SPRR2G: variants seen among roughly 807,000 people sequenced by gnomAD.
SPRR2G encodes small proline-rich protein 2G.
SPRR2G carries 1 observed loss-of-function variant against 0.7 expected under a neutral mutation model. The observed-to-expected ratio is 1.49, with a 90% CI of 0.53 to 7.06. The LOEUF (loss-of-function observed/expected upper bound fraction) is 7.06. Among genes scored for constraint, SPRR2G ranks in the 30% most tolerant of loss-of-function variants. SPRR2G has a pLI of 0.14. For missense variants in SPRR2G, 96 were observed against 88.5 expected (o/e 1.09, Z -0.34); for synonymous variants, 38 against 33.9 (o/e 1.12, Z -0.42).
the SPRR2G span, among the ~76,000 whole-genome samples, chr1:153,165,510 G>T: frequency 6.6e-6 from 1 of 152,080 alleles, no homozygotes; most frequent in Non-Finnish European, 1.5e-5. Flanking sequence ...GCTCCTCAGA[G>T]GCATCAAATA....
chr1:153,175,080 T>C, the SPRR2G span, among the ~76,000 whole-genome samples: 8 of 152,176 alleles, frequency 5.3e-5, no homozygotes, highest in Admixed American at 1.3e-4. Flanking sequence ...TCAGAGCTAA[T>C]ATTGTGAGCT....
chr1:153,154,283 C>T (rs954894374), upstream of SPRR2G, among the ~76,000 whole-genome samples: 4 of 151,390 alleles, frequency 2.6e-5, no homozygotes, highest in Non-Finnish European at 5.9e-5. Flanking sequence ...AATCTTTTTG[C>T]TTCTATATTC....
At chr1:153,156,776 T>C in the SPRR2G span, among the ~76,000 whole-genome samples, 1 of 152,088 alleles carries the variant, frequency 6.6e-6, no homozygotes, top group Admixed American at 6.5e-5. Flanking sequence ...ATGCAAAAAT[T>C]AGTACAAATT....
chr1:153,170,454 CA>C, the SPRR2G span, among the ~76,000 whole-genome samples: 1 of 152,042 alleles, frequency 6.6e-6, no homozygotes, highest in African/African-American at 2.4e-5. Context: ...AAGCCAACTT[CA>C]AGGACACAAA....
At chr1:153,200,260 A>AG in the SPRR2G span, among the ~76,000 whole-genome samples, 5 of 152,194 alleles carry the variant, frequency 3.3e-5, no homozygotes, top group Non-Finnish European at 7.4e-5. Flanking sequence ...GCTGGAAGGC[A>AG]GGGGAAAAAA....
chr1:153,156,149 A>G, the SPRR2G span, among the ~76,000 whole-genome samples: 1 of 152,220 alleles, frequency 6.6e-6, no homozygotes, highest in African/African-American at 2.4e-5. Flanking sequence ...TGTCACAACA[A>G]TCTTGTGAGT....
the SPRR2G span, among the ~76,000 whole-genome samples, chr1:153,169,254 G>T: frequency 6.6e-6 from 1 of 151,956 alleles, no homozygotes; most frequent in South Asian, 2.1e-4. Context: ...GTAGACCGAC[G>T]TTCCTTCCTG....
chr1:153,174,008 G>A, the SPRR2G span, among the ~76,000 whole-genome samples: 605 of 152,304 alleles, frequency 4.0e-3, 9 homozygotes, highest in African/African-American at 0.013. Flanking sequence ...GATGGGCTCA[G>A]AAATTCATCT....
chr1:153,179,606 T>A, the SPRR2G span, among the ~76,000 whole-genome samples: 3 of 152,226 alleles, frequency 2.0e-5, no homozygotes, highest in African/African-American at 7.2e-5. Flanking sequence ...GTAGTCATAA[T>A]AATAATTTTT....
the SPRR2G span, among the ~76,000 whole-genome samples, chr1:153,178,500 T>C: frequency 6.6e-6 from 1 of 152,174 alleles, no homozygotes; most frequent in Non-Finnish European, 1.5e-5. Flanking sequence ...CTATTCCTAG[T>C]TTGCAAGAGT....
the SPRR2G span, among the ~76,000 whole-genome samples, chr1:153,192,531 G>T: frequency 7.2e-5 from 11 of 152,154 alleles, no homozygotes; most frequent in African/African-American, 2.7e-4. Context: ...GGATTGGGAA[G>T]GTCCCCCCAA....
the SPRR2G span, among the ~76,000 whole-genome samples, chr1:153,184,706 G>T: frequency 6.6e-6 from 1 of 152,052 alleles, no homozygotes; most frequent in South Asian, 2.1e-4. Flanking sequence ...TCTTTCTCTT[G>T]CATGATTGCC....
the SPRR2G span, among the ~76,000 whole-genome samples, chr1:153,194,609 T>C: frequency 2.0e-5 from 3 of 152,326 alleles, no homozygotes; most frequent in Admixed American, 2.0e-4. Flanking sequence ...TTTTCCTTCC[T>C]CAGACTAAAA....
chr1:153,155,979 A>G, the SPRR2G span, among the ~76,000 whole-genome samples: 1 of 152,272 alleles, frequency 6.6e-6, no homozygotes, highest in South Asian at 2.1e-4. Context: ...TTCCCCACCC[A>G]TATCCTTTTC....
chr1:153,202,939 A>T, the SPRR2G span, among the ~76,000 whole-genome samples: 1 of 152,210 alleles, frequency 6.6e-6, no homozygotes, highest in African/African-American at 2.4e-5. Context: ...GAATTCTGAG[A>T]GGCAAATCTT....
the SPRR2G span, among the ~76,000 whole-genome samples, chr1:153,168,934 G>GTGTGTGTGT: frequency 6.6e-6 from 1 of 151,140 alleles, no homozygotes; most frequent in Admixed American, 6.6e-5. Flanking sequence ...GTGTGTGTAA[G>GTGTGTGTGT]ATGTAAAATT....
chr1:153,150,102 G>T lies in SPRR2G; in HGVS notation c.9C>A (p.Tyr3Ter). The change falls in exon 2 of 2, where the codon TAC becomes TAA. Residue 3 changes from tyrosine to a stop codon, truncating the protein, a stop_gained. Transcript: ENST00000368748. LOFTEE classifies it low-confidence loss of function (END_TRUNC). MS[Y>*]QQQQCKQPCQ... is the part of the protein sequence containing the mutation. ...AGGGCTGCTTGCACTGCTGCTGCTG[G>T]TAAGACATCTCTCCTCAGTCTCAGA... 6.2e-7 allele frequency: 1 copy of T among 1,612,280 alleles called. No individual in the cohort carries two copies. The highest frequency in any genetic ancestry group is 8.5e-7 in the Non-Finnish European group (1 of 1,179,844).
chr1:153,159,719 T>C, the SPRR2G span, among the ~76,000 whole-genome samples: 11 of 152,278 alleles, frequency 7.2e-5, no homozygotes, highest in East Asian at 2.1e-3. Context: ...CTTACAATCA[T>C]GGCAGAAGGC....
At chr1:153,156,830 A>G in the SPRR2G span, among the ~76,000 whole-genome samples, 1 of 152,220 alleles carries the variant, frequency 6.6e-6, no homozygotes. Flanking sequence ...TTGTGGCAAT[A>G]TAATTCCAGT....
Sources: gnomAD v4.1 joint callset for allele counts (sites outside exome capture counted in the v4.1 genomes callset) on GRCh38, gnomAD v4.1.1 for gene constraint, MANE v1.5 for transcripts, NCBI Gene and HGNC (gene_info 2026-07-23, HGNC 2026-07-21) for gene names.